The following ATXN1 variants were observed in gnomAD, a reference collection of about 807,000 sequenced individuals.
ATXN1 encodes ataxin-1.
ATXN1 carries 8 observed loss-of-function variants against 56.4 expected under a neutral mutation model. The observed-to-expected ratio is 0.14, with a 90% CI of 0.08 to 0.26. The LOEUF (loss-of-function observed/expected upper bound fraction) is 0.26, where lower values mean the gene tolerates loss of function less well. Among genes scored for constraint, ATXN1 ranks in the 10% least tolerant of loss-of-function variants. ATXN1 has a pLI of 1.00. For synonymous variants in ATXN1, 514 were observed against 494.6 expected (o/e 1.04, Z -0.52); for missense variants, 987 against 1,106.5 (o/e 0.89, Z 1.53).
chr6:16,397,805 A>C (rs1487658913), intron 6 of ATXN1, among the ~76,000 whole-genome samples: 1 of 152,208 alleles, frequency 6.6e-6, no homozygotes, highest in Non-Finnish European at 1.5e-5. Context: ...GTTGGCAAGA[A>C]CTCACACAAG....
chr6:16,495,081 C>G (rs1228372209), intron 5 of ATXN1, among the ~76,000 whole-genome samples: 1 of 152,212 alleles, frequency 6.6e-6, no homozygotes, highest in East Asian at 1.9e-4. Flanking sequence ...GGCTGAAACA[C>G]AGCCTGTGCC....
At chr6:16,605,457 C>A (rs1225641767) in intron 3 of ATXN1, among the ~76,000 whole-genome samples, 1 of 152,110 alleles carries the variant, frequency 6.6e-6, no homozygotes, top group Non-Finnish European at 1.5e-5. Flanking sequence ...GGCTCCAGAG[C>A]TATTCTTAAG....
chr6:16,631,072 G>A (rs749458334), intron 3 of ATXN1, among the ~76,000 whole-genome samples: 1 of 152,168 alleles, frequency 6.6e-6, no homozygotes, highest in Non-Finnish European at 1.5e-5. Flanking sequence ...TAAGACACTC[G>A]TGTGTGCCTG....
chr6:16,577,228 A>T (rs568379012), intron 4 of ATXN1, among the ~76,000 whole-genome samples: 1 of 152,244 alleles, frequency 6.6e-6, no homozygotes, highest in East Asian at 1.9e-4. Flanking sequence ...ATTTACTATA[A>T]AATCTTGTGG....
rs1240228093 is a variant in ATXN1 at position 16,760,874 on chromosome 6, G to T, written c.-730+424C>A. Among the ~76,000 whole-genome samples, 10 of 147,886 alleles carry T rather than the reference G, an allele frequency of 6.8e-5. No individual in the cohort carries two copies. Among genetic ancestry groups the T allele is most frequent in the African/African-American group, 2.2e-4 (9 of 40,548 alleles). ...GGAGGACATGGCTCTCCGCACTTGC[G>T]ACCGGACCAGCAGCCGGGGGAGCGG... On this transcript the variant is annotated intron_variant, in intron 1 of 7. Transcript: ENST00000436367. The surrounding 1 kb of genome is among the most constrained non-coding windows in gnomAD (Gnocchi z 5.3).
intron 3 of ATXN1, among the ~76,000 whole-genome samples, chr6:16,656,797 C>T (rs1758212042): frequency 6.6e-6 from 1 of 152,006 alleles, no homozygotes; most frequent in African/African-American, 2.4e-5. Flanking sequence ...CTTTCACAGG[C>T]CTGGATGGTA....
At chr6:16,675,674 A>C (rs1758646816) in intron 2 of ATXN1, among the ~76,000 whole-genome samples, 1 of 152,060 alleles carries the variant, frequency 6.6e-6, no homozygotes, top group Non-Finnish European at 1.5e-5. Context: ...TGAGGTCAGG[A>C]GTTCAAGACC....
chr6:16,343,113 G>C (rs764185644), intron 6 of ATXN1, among the ~76,000 whole-genome samples: 13 of 152,216 alleles, frequency 8.5e-5, no homozygotes, highest in Non-Finnish European at 1.8e-4. Flanking sequence ...GGGAGGCTGA[G>C]GCGCGCAGAT....
intron 6 of ATXN1, among the ~76,000 whole-genome samples, chr6:16,372,102 A>G (rs1762052524): frequency 6.6e-6 from 1 of 152,228 alleles, no homozygotes; most frequent in Non-Finnish European, 1.5e-5. Flanking sequence ...AAATTAAGGC[A>G]CTTTGCAAAT....
intron 4 of ATXN1, among the ~76,000 whole-genome samples, chr6:16,545,762 C>T (rs1162169006): frequency 6.6e-6 from 1 of 152,196 alleles, no homozygotes; most frequent in Non-Finnish European, 1.5e-5. Flanking sequence ...CCATTTAAAT[C>T]ATGAGCAGGT....
intron 4 of ATXN1, among the ~76,000 whole-genome samples, chr6:16,549,340 C>T (rs1451454226): frequency 6.6e-6 from 1 of 152,160 alleles, no homozygotes; most frequent in East Asian, 1.9e-4. Context: ...TCACAGCAAA[C>T]ATATGAGTAA....
intron 2 of ATXN1, among the ~76,000 whole-genome samples, chr6:16,677,377 C>G (rs891603036): frequency 1.3e-5 from 2 of 152,040 alleles, no homozygotes; most frequent in Non-Finnish European, 2.9e-5. Flanking sequence ...AAAGCCTAGC[C>G]ATGTTATTTT....
rs748985832 is a variant in ATXN1, at chr6:16,306,684, C to A, written c.2093G>T (p.Gly698Val). Residue 698 changes from glycine to valine, a missense_variant, in exon 8 of 8, where the codon GGC becomes GTC. Coordinates refer to ENST00000436367, the MANE Select transcript of ATXN1 (RefSeq NM_001128164.2). The surrounding 1 kb of genome is among the most constrained non-coding windows in gnomAD (Gnocchi z 5.2). ...KNLKNGSVKK[G>V]QPVDPASVLL... Reference sequence around the variant, plus strand: ...GACGCTGGCGGGATCCACGGGCTGGCCCTTTTTAACAGAGCCGTTCTTCAG... The same window carrying A: ...GACGCTGGCGGGATCCACGGGCTGGACCTTTTTAACAGAGCCGTTCTTCAG... 6.2e-7 allele frequency: 1 copy of A among 1,614,206 alleles called. No homozygotes were observed. The highest frequency in any genetic ancestry group is 2.2e-5 in the East Asian group (1 of 44,882).
chr6:16,585,839 T>A lies in ATXN1; in HGVS notation c.-420A>T, dbSNP rs1412042899. On this transcript the variant is annotated 5_prime_UTR_variant, in exon 4 of 8. Coordinates refer to ENST00000436367, the MANE Select transcript of ATXN1 (RefSeq NM_001128164.2). ...TAAGCTATCAGTTCCTTGCAGCAGATCTTTTCACGAAGATTTTGCTTGAGT... is the reference window on the plus strand; with the variant it reads ...TAAGCTATCAGTTCCTTGCAGCAGAACTTTTCACGAAGATTTTGCTTGAGT... 4 of 152,196 alleles carry A rather than the reference T, an allele frequency of 2.6e-5. No individual in the cohort carries two copies. The highest frequency in any genetic ancestry group is 2.6e-4 in the Admixed American group (4 of 15,284). The allele number at this position is 152,196 out of a possible 1,614,324, so 9.4% of individuals were successfully genotyped here.
chr6:16,757,543 A>G (rs1317984851), intron 1 of ATXN1, among the ~76,000 whole-genome samples: 1 of 152,214 alleles, frequency 6.6e-6, no homozygotes, highest in African/African-American at 2.4e-5. Context: ...GCCACAATGA[A>G]TTTACCAACC....
At chr6:16,752,313 G>A (rs868489756) in intron 2 of ATXN1, among the ~76,000 whole-genome samples, 3 of 152,254 alleles carry the variant, frequency 2.0e-5, no homozygotes, top group African/African-American at 2.4e-5. Flanking sequence ...AAGACCGGCC[G>A]ACCCAGGGGT....
At chr6:16,674,326 A>G (rs1321768879) in intron 2 of ATXN1, among the ~76,000 whole-genome samples, 1 of 149,186 alleles carries the variant, frequency 6.7e-6, no homozygotes, top group African/African-American at 2.5e-5. Flanking sequence ...TGACTGTTAC[A>G]GAGAACTTTC....
At chr6:16,627,220 T>C (rs1460642120) in intron 3 of ATXN1, among the ~76,000 whole-genome samples, 1 of 152,216 alleles carries the variant, frequency 6.6e-6, no homozygotes, top group Non-Finnish European at 1.5e-5. Flanking sequence ...CCTTTAAATA[T>C]AGAAGTTTAG....
At chr6:16,316,756 A>AAAAAC (rs1224489701) in intron 7 of ATXN1, among the ~76,000 whole-genome samples, 1 of 151,952 alleles carries the variant, frequency 6.6e-6, no homozygotes, top group Non-Finnish European at 1.5e-5. Context: ...TAAAAAAAAC[A>AAAAAC]AAAACAAAAC....
Sources: allele counts gnomAD v4.1 joint callset (sites outside exome capture counted in the v4.1 genomes callset), GRCh38; gene constraint gnomAD v4.1.1; non-coding constraint Gnocchi (gnomAD v3.1); transcripts MANE v1.5; gene names NCBI Gene and HGNC (gene_info 2026-07-23, HGNC 2026-07-21).